Variants in KRT24 observed in about 807,000 individuals in gnomAD.
The protein encoded by KRT24 is keratin, type I cytoskeletal 24.
KRT24 carries 44 observed loss-of-function variants against 51.7 expected under a neutral mutation model. The ratio of observed to expected loss-of-function variants is 0.85; its 90% CI spans 0.67 to 1.09. The LOEUF is 1.09. Among genes scored for constraint, KRT24 ranks in the 50% least tolerant of loss-of-function variants. The probability of loss-of-function intolerance (pLI) is 0.00; values close to 1 mark genes in which losing one functional copy is unlikely to be tolerated. For synonymous variants in KRT24, 241 were observed against 249.5 expected, an observed-to-expected ratio of 0.97 and a Z score of 0.32; for missense variants, 633 against 647.0, an observed-to-expected ratio of 0.98 and a Z score of 0.24.
chr17:40,700,086 C>A lies in KRT24; in HGVS notation c.1055G>T (p.Gly352Val). 6.2e-7 allele frequency: 1 copy of A among 1,614,134 alleles called. No homozygotes were observed. Among genetic ancestry groups the A allele is most frequent in the Middle Eastern group, 1.6e-4 (1 of 6,062 alleles). ...CTCATTCTTGGCAGAAGTGGCTGCC[C>A]CAGCATCAGTGGAGATTTGTGCTTG... is the stretch of plus-strand genomic sequence containing the variant. The part of the protein sequence containing the change: ...SLQAQISTDA[G>V]AATSAKNEIT... Residue 352 changes from glycine to valine, a missense_variant, in exon 5 of 8, where the codon GGG becomes GTG. Gly to Val is a moderately radical substitution (Grantham distance 109). Transcript: ENST00000264651.
intron 1 of KRT24, 75 bp from the exon 2 acceptor site, chr17:40,702,008 G>T: frequency 1.5e-6 from 1 of 664,794 alleles, no homozygotes; most frequent in Non-Finnish European, 2.5e-6. Context: ...TGTAAGGGTA[G>T]CTGTTGCCTG....
chr17:40,702,288 G>A lies in KRT24; in HGVS notation c.616-355C>T, dbSNP rs11868495. Among the ~76,000 whole-genome samples, 1,455 of 152,126 alleles carry A rather than the reference G, an allele frequency of 9.6e-3. 25 individuals carry two copies. Among genetic ancestry groups the A allele is most frequent in the African/African-American group, 0.033 (1,386 of 41,506 alleles). ...ATTCCTGACCTCAAGTGATTTGCCC[G>A]CCTCAGCCTCCTAAAGTGCTGGGAT... On this transcript the variant is annotated intron_variant, in intron 1 of 7. Coordinates refer to ENST00000264651, the MANE Select transcript of KRT24 (RefSeq NM_019016.3).
Position 40,698,549 on chromosome 17 carries a change from C to A in KRT24, c.1463G>T (p.Gly488Val). The A allele has an allele frequency of 6.3e-7, 1 of 1,596,280 alleles. No homozygotes were observed. Among genetic ancestry groups the A allele is most frequent in the South Asian group, 1.1e-5 (1 of 89,650 alleles). Residue 488 changes from glycine to valine, a missense_variant, in exon 7 of 8, where the codon GGT becomes GTT. Physicochemically the swap from Gly to Val is moderately radical, Grantham distance 109. Coordinates refer to ENST00000264651, the MANE Select transcript of KRT24 (RefSeq NM_019016.3). ...SGDSRSGSCS[G>V]QGRDSSKTRV... Reference sequence around the variant, plus strand: ...TAAAAAAAGTCTACCTCGTCCTTGACCAGAACAGCTTCCAGATCTTGAGTC... The same window carrying A: ...TAAAAAAAGTCTACCTCGTCCTTGAACAGAACAGCTTCCAGATCTTGAGTC...
At chr17:40,701,762 TATATATATATA>T (rs2037683303) in intron 2 of KRT24, 78 bp downstream of exon 2, 17 of 43,820 alleles carry the variant, frequency 3.9e-4, no homozygotes, top group African/African-American at 1.2e-3. Flanking sequence ...TATATATATA[TATATATATATA>T]TATATATTTA....
At position 40,701,930 on chromosome 17, in the gene KRT24, T is replaced by G; in HGVS notation, c.619A>C (p.Ile207Leu). 1 of 1,532,846 alleles carries G rather than the reference T, an allele frequency of 6.5e-7. No homozygotes were observed. Among genetic ancestry groups the G allele is most frequent in the Non-Finnish European group, 8.9e-7 (1 of 1,127,788 alleles). The allele number at this position is 1,532,846 out of a possible 1,614,324, so 95.0% of individuals were successfully genotyped here. A position where few individuals can be genotyped will look rare whatever the true frequency, so the allele number is the denominator to read the frequency against. Residue 207 changes from isoleucine to leucine, a missense_variant, in exon 2 of 8, where the codon ATT (isoleucine) becomes CTT (leucine). Transcript: ENST00000264651. Reference protein sequence around the residue: ...SIIEDLRNQIIAATVENAGII... With the variant: ...SIIEDLRNQILAATVENAGII... ...CCAGCATTTTCAACAGTGGCAGCAA[T>G]GATCTAAAAAAGATGTTAATAGTGA...
At chr17:40,699,712 G>A (rs768662541) in intron 5 of KRT24, 51 bp from the exon 6 acceptor site, 10 of 1,528,154 alleles carry the variant, frequency 6.5e-6, no homozygotes, top group Middle Eastern at 1.7e-4. Context: ...ATCATTGGAT[G>A]ATTTTTTAAA....
Position 40,701,127 on chromosome 17 carries a change from A to G in KRT24, c.855+13T>C, listed in dbSNP as rs1288978321. The G allele has an allele frequency of 1.2e-6, 2 of 1,612,800 alleles. No individual in the cohort carries two copies. Among genetic ancestry groups the G allele is most frequent in the South Asian group, 2.2e-5 (2 of 90,854 alleles). On this transcript the variant is annotated intron_variant, in intron 3 of 7. Transcript: ENST00000264651. ...TAGCTAGAGTTATTCGTTTATGTAG[A>G]ACATGTTCCTACCTCCTCGTGGTTC...
Position 40,698,587 on chromosome 17 carries a change from A to G in KRT24, c.1425T>C (p.Asp475=). 1 of 1,613,284 alleles carries G rather than the reference A, an allele frequency of 6.2e-7. No homozygotes were observed. The highest frequency in any genetic ancestry group is 8.5e-7 in the Non-Finnish European group (1 of 1,179,244). The change falls in exon 7 of 8, where the codon GAT becomes GAC. Residue 475 remains aspartate, a synonymous_variant. Coordinates refer to ENST00000264651, the MANE Select transcript of KRT24 (RefSeq NM_019016.3). ...CAGATCTTGAGTCACCAGATACCAG[A>G]TCCCTGGATCCCATGTTTACAGATC... The part of the protein sequence containing the change: ...NSGSVNMGSR[D]LVSGDSRSGS...
chr17:40,700,004 C>G lies in KRT24; in HGVS notation c.1137G>C (p.Leu379=), dbSNP rs762664016. The change falls in exon 5 of 8, where the codon CTG becomes CTC. Residue 379 remains leucine (L), a synonymous_variant. Coordinates refer to ENST00000264651, the MANE Select transcript of KRT24 (RefSeq NM_019016.3). ...AAAAGCTATTTGCACATACCATGGC[C>G]AGTTGGGACTGAAGCTCAATTTCCA... is the stretch of plus-strand genomic sequence containing the variant. ...QALEIELQSQ[L]AMKSSLEGTL... 129 of 1,614,152 alleles carry G rather than the reference C, an allele frequency of 8.0e-5. 4 individuals carry two copies. The South Asian group carries it at 1.4e-3, about 17-fold the overall frequency.
In KRT24 at chr17:40,699,478, C is replaced by T. The variant is rs550777978; in HGVS notation, c.1327G>A (p.Glu443Lys). ...CCATCGAGCAGGCGGCGGTAGGTCT[C>T]GATCTCCACCTCCAGGCGTGTCTTG... ...DIKTRLEVEI[E>K]TYRRLLDGEG... The change falls in exon 6 of 8, where the codon GAG becomes AAG. Residue 443 changes from glutamate (E) to lysine (K), a missense_variant. Glu to Lys is a moderately conservative substitution (Grantham distance 56). Transcript: ENST00000264651. The T allele has an allele frequency of 9.5e-5, 154 of 1,613,868 alleles. 1 individual carries two copies. The South Asian group carries it at 1.3e-3, about 13-fold the overall frequency.
Position 40,703,589 on chromosome 17 carries a change from C to G in KRT24, c.105G>C (p.Leu35=), listed in dbSNP as rs376881856. ...SSFSSGSRCG[L]GGSSAQGFRG... Reference sequence around the variant, plus strand: ...GGAAGCCCTGGGCCGAGCTGCCCCCCAGACCACATCTGCTTCCACTGCTGA... The same window carrying G: ...GGAAGCCCTGGGCCGAGCTGCCCCCGAGACCACATCTGCTTCCACTGCTGA... The change falls in exon 1 of 8, where the codon CTG becomes CTC. Residue 35 remains leucine (L), a synonymous_variant. Coordinates refer to ENST00000264651, the MANE Select transcript of KRT24 (RefSeq NM_019016.3). The G allele has an allele frequency of 1.3e-5, 21 of 1,613,342 alleles. No individual in the cohort carries two copies. Among genetic ancestry groups the G allele is most frequent in the Non-Finnish European group, 1.5e-5 (18 of 1,179,822 alleles).
chr17:40,699,403 A>G (rs1199913601), intron 6 of KRT24, 41 bp downstream of exon 6: 3 of 1,518,766 alleles, frequency 2.0e-6, no homozygotes, highest in Non-Finnish European at 2.7e-6. Flanking sequence ...AAATAAATTC[A>G]CTAAGGTATG....
chr17:40,698,958 C>G (rs2037641520), intron 6 of KRT24, among the ~76,000 whole-genome samples: 1 of 151,774 alleles, frequency 6.6e-6, no homozygotes. Flanking sequence ...CTCACTGCAG[C>G]CTCAGCCTCC....
rs373036343 is a variant in KRT24 at position 40,698,616 on chromosome 17, A to G, written c.1396T>C (p.Ser466Pro). Residue 466 changes from serine (S) to proline (P), a missense_variant, in exon 7 of 8, where the codon TCA becomes CCA. Coordinates refer to ENST00000264651, the MANE Select transcript of KRT24 (RefSeq NM_019016.3). ...SSFAEFGGRNSGSVNMGSRDL... is the reference protein window; with the variant it reads ...SSFAEFGGRNPGSVNMGSRDL... The stretch of plus-strand genomic sequence containing the variant: ...CTGGATCCCATGTTTACAGATCCTG[A>G]GTTTCTACCACCAAATTCTGCAAAA... 121 of 1,609,730 alleles carry G rather than the reference A, an allele frequency of 7.5e-5. No individual in the cohort carries two copies. Among genetic ancestry groups the G allele is most frequent in the Non-Finnish European group, 9.9e-5 (117 of 1,176,270 alleles).
intron 3 of KRT24, 27 bp from the exon 4 acceptor site, chr17:40,700,410 T>C (rs887376): frequency 0.44 from 688,655 of 1,574,396 alleles, 155,937 homozygotes; most frequent in Admixed American, 0.66. Flanking sequence ...AAGACTATCG[T>C]GATGCAAACA....
In KRT24 at chr17:40,703,377, C is replaced by A. The variant is rs778458463; in HGVS notation, c.317G>T (p.Cys106Phe). ...ACCACTGCTGAATCTAGAACTCCCA[C>A]AGAATCCAGAACCCCTGCCAAATCC... ...VSGFGRGSGF[C>F]GSSRFSSGAT... Residue 106 changes from cysteine (C) to phenylalanine (F), a missense_variant, in exon 1 of 8, where the codon TGT (cysteine) becomes TTT (phenylalanine). Physicochemically the swap from Cys to Phe is radical, Grantham distance 205. Transcript: ENST00000264651. 1 of 1,613,452 alleles carries A rather than the reference C, an allele frequency of 6.2e-7. No homozygotes were observed. The highest frequency in any genetic ancestry group is 8.5e-7 in the Non-Finnish European group (1 of 1,179,520).
chr17:40,699,735 T>TG, intron 5 of KRT24, 74 bp from the exon 6 acceptor site: 1 of 1,334,236 alleles, frequency 7.5e-7, no homozygotes, highest in Non-Finnish European at 1.1e-6. Context: ...TGCAATTTTA[T>TG]GTGGCACTAG....
At position 40,701,905 on chromosome 17, in the gene KRT24, C is replaced by T; in HGVS notation, c.644G>A (p.Gly215Glu). ...QIIAATVENA[G>E]IILHIDNARL... ...GGCATTGTCAATGTGCAAAATGATC[C>T]CAGCATTTTCAACAGTGGCAGCAAT... The change falls in exon 2 of 8, where the codon GGG (glycine) becomes GAG (glutamate). Residue 215 changes from glycine (G) to glutamate (E), a missense_variant. Transcript: ENST00000264651. The T allele has an allele frequency of 6.4e-7, 1 of 1,550,890 alleles. No individual in the cohort carries two copies. Among genetic ancestry groups the T allele is most frequent in the South Asian group, 1.2e-5 (1 of 82,750 alleles).
chr17:40,699,415 A>G, intron 6 of KRT24, 29 bp downstream of exon 6: 2 of 1,577,846 alleles, frequency 1.3e-6, no homozygotes, highest in Admixed American at 1.7e-5. Context: ...TAAGGTATGC[A>G]TTTTAGTTTG....
Sources: gnomAD v4.1 joint callset for allele counts (sites outside exome capture counted in the v4.1 genomes callset) on GRCh38, gnomAD v4.1.1 for gene constraint, MANE v1.5 for transcripts, NCBI Gene and HGNC (gene_info 2026-07-23, HGNC 2026-07-21) for gene names.